HS3ST4: variants seen among roughly 807,000 people sequenced by gnomAD.
HS3ST4 encodes heparan sulfate-glucosamine 3-sulfotransferase 4, also known as heparan sulfate glucosamine 3-O-sulfotransferase 4.
In HS3ST4, 17 loss-of-function variants were observed where a neutral mutation model predicts 29.2. That is an observed-to-expected ratio of 0.58 (90% CI 0.40 to 0.87). The LOEUF is 0.87. Ranked by LOEUF, HS3ST4 falls within the 40% of genes least tolerant of loss-of-function variation. HS3ST4 has a pLI of 0.00. For missense variants in HS3ST4, 627 were observed against 634.5 expected, an observed-to-expected ratio of 0.99 and a Z score of 0.13; for synonymous variants, 314 against 285.7, an observed-to-expected ratio of 1.10 and a Z score of -1.00.
chr16:25,934,259 G>T (rs1274779574), intron 1 of HS3ST4, among the ~76,000 whole-genome samples: 3 of 152,186 alleles, frequency 2.0e-5, no homozygotes, highest in Non-Finnish European at 4.4e-5. Context: ...ATTAGAAGGG[G>T]TTGAAGAAAC....
intron 1 of HS3ST4, among the ~76,000 whole-genome samples, chr16:25,722,499 C>G (rs949148655): frequency 1.3e-5 from 2 of 152,180 alleles, no homozygotes; most frequent in South Asian, 4.1e-4. Context: ...GCTGGCCTTA[C>G]GGGAACTTAC....
intron 1 of HS3ST4, among the ~76,000 whole-genome samples, chr16:25,899,162 C>T (rs770795105): frequency 2.6e-5 from 4 of 152,234 alleles, no homozygotes; most frequent in East Asian, 1.9e-4. Flanking sequence ...AAATGGCACA[C>T]GTCCATGCAT....
chr16:25,928,191 A>G (rs1968427540), intron 1 of HS3ST4, among the ~76,000 whole-genome samples: 1 of 150,340 alleles, frequency 6.7e-6, no homozygotes, highest in Non-Finnish European at 1.5e-5. Context: ...GCAAGACTCC[A>G]TCTTTCCAAA....
At chr16:25,722,555 T>C (rs1450588316) in intron 1 of HS3ST4, among the ~76,000 whole-genome samples, 1 of 152,206 alleles carries the variant, frequency 6.6e-6, no homozygotes, top group Non-Finnish European at 1.5e-5. Context: ...GGATACAGTG[T>C]CACCTGGGAA....
intron 1 of HS3ST4, among the ~76,000 whole-genome samples, chr16:26,037,084 T>C (rs1263998067): frequency 6.6e-6 from 1 of 152,194 alleles, no homozygotes; most frequent in East Asian, 1.9e-4. Context: ...CTCACTTCCC[T>C]TGGGTAAAAG....
chr16:26,128,087 C>T (rs1171909390), intron 1 of HS3ST4, among the ~76,000 whole-genome samples: 1 of 152,128 alleles, frequency 6.6e-6, no homozygotes, highest in Non-Finnish European at 1.5e-5. Context: ...CCTCTTCCTC[C>T]TTTCCTCTTC....
At chr16:25,956,997 C>CAAAAAAAAA (rs11382105) in intron 1 of HS3ST4, among the ~76,000 whole-genome samples, 1 of 77,834 alleles carries the variant, frequency 1.3e-5, no homozygotes, top group Non-Finnish European at 2.3e-5. Flanking sequence ...GACTCCGTCT[C>CAAAAAAAAA]AAAAAAAAAA....
chr16:26,077,672 C>T (rs1035546651), intron 1 of HS3ST4, among the ~76,000 whole-genome samples: 5 of 152,170 alleles, frequency 3.3e-5, no homozygotes, highest in Admixed American at 2.6e-4. Context: ...ATCCTGGGGA[C>T]CCAGTGAGTA....
intron 1 of HS3ST4, among the ~76,000 whole-genome samples, chr16:25,766,044 A>C (rs1287240074): frequency 6.6e-6 from 1 of 152,086 alleles, no homozygotes; most frequent in Admixed American, 6.6e-5. Context: ...AACACCTCTT[A>C]GGCTCATCTG....
At chr16:25,811,947 C>G (rs1412149003) in intron 1 of HS3ST4, among the ~76,000 whole-genome samples, 1 of 152,106 alleles carries the variant, frequency 6.6e-6, no homozygotes, top group Non-Finnish European at 1.5e-5. Context: ...GTTCAAGGGT[C>G]AACAACTGGC....
chr16:25,736,525 T>C (rs1336922003), intron 1 of HS3ST4, among the ~76,000 whole-genome samples: 2 of 152,230 alleles, frequency 1.3e-5, no homozygotes, highest in Admixed American at 6.5e-5. Flanking sequence ...TCCCTAAGAA[T>C]AAAACATTGC....
Position 25,865,907 on chromosome 16 carries a change from A to G in HS3ST4, c.734+172756A>G, listed in dbSNP as rs145222735. Among the ~76,000 whole-genome samples the G allele has an allele frequency of 1.4e-3, 213 of 152,332 alleles. 2 individuals are homozygous for G. The highest frequency in any genetic ancestry group is 2.2e-3 in the Non-Finnish European group (153 of 68,010). On this transcript the variant is annotated intron_variant, in intron 1 of 1. Coordinates refer to ENST00000331351, the MANE Select transcript of HS3ST4 (RefSeq NM_006040.3). ...AGAAGAAAAGTTTCTCAACATTTCT[A>G]TGGGCAAATTTTTTTAAAAATATAA...
intron 1 of HS3ST4, among the ~76,000 whole-genome samples, chr16:25,794,941 A>G (rs1026321852): frequency 8.5e-5 from 12 of 140,520 alleles, no homozygotes; most frequent in African/African-American, 3.3e-4. Flanking sequence ...ACACACACAT[A>G]TATATTCATA....
At chr16:25,985,362 G>T (rs114180306) in intron 1 of HS3ST4, among the ~76,000 whole-genome samples, 3,305 of 152,288 alleles carry the variant, frequency 0.022, 135 homozygotes, top group African/African-American at 0.076. Context: ...GGGCATTTAG[G>T]TGGTTGCTTG....
chr16:26,042,100 T>G (rs903685062), intron 1 of HS3ST4, among the ~76,000 whole-genome samples: 8 of 152,160 alleles, frequency 5.3e-5, no homozygotes, highest in Non-Finnish European at 8.8e-5. Flanking sequence ...AAAAATCCTT[T>G]AAGATCACAG....
rs531900367 is a variant in HS3ST4 at position 26,046,307 on chromosome 16, C to T, written c.735-89305C>T. On this transcript the variant is annotated intron_variant, in intron 1 of 1. Transcript: ENST00000331351. ...CTGGGATGACAGGCACTTGCCACCA[C>T]GCCCAGCTAATTTTTGTGTTTTTAG... is the stretch of plus-strand genomic sequence containing the variant. Among the ~76,000 whole-genome samples the T allele has an allele frequency of 5.3e-5, 8 of 152,148 alleles. No homozygotes were observed. In the East Asian group the frequency reaches 7.7e-4, roughly 15 times the overall value.
intron 1 of HS3ST4, among the ~76,000 whole-genome samples, chr16:26,057,057 C>A (rs537939471): frequency 6.6e-6 from 1 of 152,262 alleles, no homozygotes; most frequent in Non-Finnish European, 1.5e-5. Context: ...CAACATGATG[C>A]TCAAAGGAAG....
intron 1 of HS3ST4, among the ~76,000 whole-genome samples, chr16:25,986,700 G>A (rs1226869427): frequency 3.9e-5 from 6 of 152,172 alleles, no homozygotes; most frequent in South Asian, 2.1e-4. Flanking sequence ...CTGTTACGGC[G>A]TTAATTTTTA....
In HS3ST4 at chr16:25,865,028, T is replaced by TG. The variant is rs201095745; in HGVS notation, c.734+171877_734+171878insG. 7.8e-3 allele frequency among the ~76,000 whole-genome samples: 1,190 copies of TG among 151,980 alleles called. 11 individuals carry two copies. The highest frequency in any genetic ancestry group is 0.027 in the African/African-American group (1,127 of 41,464). ...AACACACATATGTGTATACACCACATTTCCTTTGCCCATTCTTCCATCAGT... is the reference window on the plus strand; with the variant it reads ...AACACACATATGTGTATACACCACATGTTCCTTTGCCCATTCTTCCATCAGT... On this transcript the variant is annotated intron_variant, in intron 1 of 1. Coordinates refer to ENST00000331351, the MANE Select transcript of HS3ST4 (RefSeq NM_006040.3).
Sources: gnomAD v4.1 joint callset for allele counts (sites outside exome capture counted in the v4.1 genomes callset) on GRCh38, gnomAD v4.1.1 for gene constraint, MANE v1.5 for transcripts, NCBI Gene and HGNC (gene_info 2026-07-23, HGNC 2026-07-21) for gene names.